The following EPS15L1 variants were observed in gnomAD, a reference collection of about 807,000 sequenced individuals.
EPS15L1 encodes the protein epidermal growth factor receptor substrate 15-like 1.
EPS15L1 carries 43 observed loss-of-function variants against 117.1 expected under a neutral mutation model. The ratio of observed to expected loss-of-function variants is 0.37; its 90% CI spans 0.29 to 0.47. EPS15L1 has a LOEUF of 0.47. EPS15L1 is among the 20% of genes least tolerant of loss of function. The probability of loss-of-function intolerance (pLI) is 0.99; values close to 1 mark genes in which losing one functional copy is unlikely to be tolerated. For synonymous variants in EPS15L1, 459 were observed against 470.5 expected (o/e 0.98, Z 0.32); for missense variants, 981 against 1,164.0 (o/e 0.84, Z 2.29).
At chr19:16,426,197 C>A (rs560999064) in intron 8 of EPS15L1, among the ~76,000 whole-genome samples, 4 of 152,352 alleles carry the variant, frequency 2.6e-5, no homozygotes, top group African/African-American at 9.6e-5. Flanking sequence ...CACGTTCCCC[C>A]AGGTGGGAGG....
chr19:16,401,116 T>C (rs1022367700), intron 16 of EPS15L1: 14 of 985,296 alleles, frequency 1.4e-5, no homozygotes, highest in African/African-American at 1.7e-5. Context: ...AAGCTGATGA[T>C]GACGGGCCCG....
chr19:16,427,981 A>T (rs113116134), intron 8 of EPS15L1, among the ~76,000 whole-genome samples: 2,171 of 151,172 alleles, frequency 0.014, 46 homozygotes, highest in African/African-American at 0.05. Context: ...AGGCGGGTGG[A>T]TCACTAGGCA....
At chr19:16,398,423 GACC>G (rs959366692) in intron 16 of EPS15L1, among the ~76,000 whole-genome samples, 11 of 152,124 alleles carry the variant, frequency 7.2e-5, no homozygotes, top group African/African-American at 2.7e-4. Context: ...AGGTGCTGAC[GACC>G]ACAAGACACA....
At chr19:16,448,547 A>AAG (rs779362128) in intron 1 of EPS15L1, among the ~76,000 whole-genome samples, 11 of 119,354 alleles carry the variant, frequency 9.2e-5, no homozygotes, top group South Asian at 2.7e-4. Context: ...TTAAAAAAAA[A>AAG]GGGGGGGGGA....
chr19:16,395,201 CAA>C (rs368177768), intron 17 of EPS15L1, 141 bp downstream of exon 17: 35,339 of 447,854 alleles, frequency 0.079, no homozygotes, highest in South Asian at 0.1. Context: ...AGTTCGTCTC[CAA>C]AAAAAAAAAA....
At chr19:16,422,220 G>A (rs1167575158) in intron 9 of EPS15L1, among the ~76,000 whole-genome samples, 3 of 152,212 alleles carry the variant, frequency 2.0e-5, no homozygotes, top group Non-Finnish European at 2.9e-5. Context: ...TAACTTGAGA[G>A]AGGCAAACGC....
intron 1 of EPS15L1, among the ~76,000 whole-genome samples, chr19:16,469,285 G>A (rs948273332): frequency 6.6e-6 from 1 of 152,104 alleles, no homozygotes; most frequent in Non-Finnish European, 1.5e-5. Flanking sequence ...GGACAAGAAG[G>A]AGAGACTGAA....
chr19:16,442,865 G>C (rs542643481), intron 1 of EPS15L1, among the ~76,000 whole-genome samples: 1 of 152,312 alleles, frequency 6.6e-6, no homozygotes, highest in East Asian at 1.9e-4. Flanking sequence ...TCGCTGTTTG[G>C]AGGTCACTTC....
Position 16,404,861 on chromosome 19 carries a change from T to G in EPS15L1, c.1267-112A>C. 1 of 1,187,410 alleles carries G rather than the reference T, an allele frequency of 8.4e-7. No homozygotes were observed. The highest frequency in any genetic ancestry group is 1.4e-5 in the South Asian group (1 of 69,824). 73.6% of individuals were successfully genotyped at this position (1,187,410 alleles called of 1,614,324 possible). A position where few individuals can be genotyped will look rare whatever the true frequency, so the allele number is the denominator to read the frequency against. ...AGGGGAAGCCTCCGAAACCACCCAC[T>G]GTGACCGTGCTCAGGGCCAGCATTC... is the stretch of plus-strand genomic sequence containing the variant. On this transcript the variant is annotated intron_variant, in intron 13 of 23. Transcript: ENST00000455140. This position sits in a 1 kb window ranked among gnomAD's most constrained non-coding sequence, Gnocchi z 4.2.
chr19:16,407,267 A>C (rs1421369912), intron 13 of EPS15L1, among the ~76,000 whole-genome samples: 1 of 150,710 alleles, frequency 6.6e-6, no homozygotes, highest in Non-Finnish European at 1.5e-5. Context: ...TGCCCTACTC[A>C]CTCTTGGCTC....
rs776025984 is a variant in EPS15L1 at position 16,385,185 on chromosome 19, C to T, written c.2191G>A (p.Gly731Arg). ...TCAGCACTATTGAAGGACCCACTTC[C>T]GAAGGGATCTAAGGTTCCAAAGGGA... is the stretch of plus-strand genomic sequence containing the variant. ...SDPFGTLDPF[G>R]SGSFNSAEGF... The change falls in exon 21 of 24, where the codon GGA (glycine) becomes AGA (arginine). Residue 731 changes from glycine (G) to arginine (R), a missense_variant. Around this residue, in one of 5 missense-constraint regions of EPS15L1, gnomAD observed 819 missense variants for 949.0 expected, o/e 0.86. Coordinates refer to ENST00000455140, the MANE Select transcript of EPS15L1 (RefSeq NM_001258374.3). The T allele has an allele frequency of 1.5e-5, 24 of 1,614,142 alleles. No homozygotes were observed. The highest frequency in any genetic ancestry group is 2.7e-5 in the African/African-American group (2 of 75,032).
chr19:16,456,251 C>T (rs2093195160), intron 1 of EPS15L1, among the ~76,000 whole-genome samples: 1 of 152,124 alleles, frequency 6.6e-6, no homozygotes, highest in Non-Finnish European at 1.5e-5. Flanking sequence ...CTTGGATTCC[C>T]CAGCTCTCCC....
chr19:16,389,858 T>G (rs1015245797), intron 19 of EPS15L1, among the ~76,000 whole-genome samples: 4 of 152,126 alleles, frequency 2.6e-5, no homozygotes, highest in South Asian at 4.1e-4. Context: ...GTACATGATA[T>G]TTCCTAAAGC....
At chr19:16,393,657 A>AT (rs1568413049) in intron 18 of EPS15L1, among the ~76,000 whole-genome samples, 25 of 149,936 alleles carry the variant, frequency 1.7e-4, no homozygotes, top group African/African-American at 5.4e-4. Context: ...TCAAAAAAAA[A>AT]AAAAATAAAA....
chr19:16,404,619 A>T lies in EPS15L1; in HGVS notation c.1397T>A (p.Val466Asp). ...KAKLRDMLSD[V>D]RQKCQDETQM... ...AGTCTCATCCTGGCACTTCTGCCGG[A>T]CGTCGCTCAGCATGTCTCGGAGCTT... The change falls in exon 14 of 24, where the codon GTC becomes GAC. Residue 466 changes from valine (V) to aspartate (D), a missense_variant. Physicochemically the swap from Val to Asp is radical, Grantham distance 152. Around this residue, in one of 5 missense-constraint regions of EPS15L1, gnomAD observed 819 missense variants for 949.0 expected, o/e 0.86. Transcript: ENST00000455140. This position sits in a 1 kb window ranked among gnomAD's most constrained non-coding sequence, Gnocchi z 4.2. The T allele has an allele frequency of 6.2e-7, 1 of 1,614,028 alleles. No homozygotes were observed. Among genetic ancestry groups the T allele is most frequent in the Non-Finnish European group, 8.5e-7 (1 of 1,180,000 alleles).
At position 16,355,696 on chromosome 19, in the gene EPS15L1, G is replaced by A. The variant is rs994951586; in HGVS notation, c.*9C>T. On this transcript the variant is annotated 3_prime_UTR_variant, in exon 24 of 24. Coordinates refer to ENST00000455140, the MANE Select transcript of EPS15L1 (RefSeq NM_001258374.3). ...CCCGTGCCCTGTCCCGCCTACACAC[G>A]GCCCTCGCCTAGGCGGCAGGCATGT... 17 of 1,534,394 alleles carry A rather than the reference G, an allele frequency of 1.1e-5. No individual in the cohort carries two copies. Among genetic ancestry groups the A allele is most frequent in the East Asian group, 2.4e-5 (1 of 40,850 alleles).
At chr19:16,422,010 G>C (rs1031379011) in intron 9 of EPS15L1, among the ~76,000 whole-genome samples, 31 of 152,138 alleles carry the variant, frequency 2.0e-4, no homozygotes, top group African/African-American at 7.5e-4. Context: ...CAAGGTGTGA[G>C]TACACACACG....
chr19:16,466,504 C>T (rs937456289), intron 1 of EPS15L1, among the ~76,000 whole-genome samples: 13 of 152,142 alleles, frequency 8.5e-5, no homozygotes, highest in African/African-American at 1.2e-4. Flanking sequence ...CCCCGTGAGG[C>T]GGCACTGCCT....
At chr19:16,451,141 G>A (rs1568462362) in intron 1 of EPS15L1, among the ~76,000 whole-genome samples, 2 of 151,746 alleles carry the variant, frequency 1.3e-5, no homozygotes, top group African/African-American at 2.4e-5. Context: ...AGTAGAGACC[G>A]GGTCTCACCA....
Sources: allele counts gnomAD v4.1 joint callset (sites outside exome capture counted in the v4.1 genomes callset), GRCh38; gene constraint gnomAD v4.1.1; regional missense constraint gnomAD v4.1.1; non-coding constraint Gnocchi (gnomAD v3.1); transcripts MANE v1.5; gene names NCBI Gene and HGNC (gene_info 2026-07-23, HGNC 2026-07-21).